The following GALNT10 variants were observed in gnomAD, a reference collection of about 807,000 sequenced individuals.
GALNT10 encodes the protein polypeptide N-acetylgalactosaminyltransferase 10, also known as GalNAc transferase 10.
GALNT10 carries 41 observed loss-of-function variants against 75.0 expected under a neutral mutation model. The ratio of observed to expected loss-of-function variants is 0.55; its 90% CI spans 0.43 to 0.71. The LOEUF (loss-of-function observed/expected upper bound fraction) is 0.71, where lower values mean the gene tolerates loss of function less well. Among genes scored for constraint, GALNT10 ranks in the 30% least tolerant of loss-of-function variants. The pLI is 0.00. For missense variants in GALNT10, 727 were observed against 818.5 expected (o/e 0.89, Z 1.36); for synonymous variants, 302 against 313.0 (o/e 0.96, Z 0.37).
At chr5:154,198,850 T>A (rs1047085210) in intron 1 of GALNT10, among the ~76,000 whole-genome samples, 1 of 152,174 alleles carries the variant, frequency 6.6e-6, no homozygotes, top group East Asian at 1.9e-4. Context: ...ATTTCTAACA[T>A]CCTTCTTCCC....
Position 154,412,968 on chromosome 5 carries a change from T to G in GALNT10, c.1466T>G (p.Val489Gly), listed in dbSNP as rs761229479. The change falls in exon 10 of 12, where the codon GTC becomes GGC. Residue 489 changes from valine to glycine, a missense_variant. By Grantham distance (109) the Val-to-Gly change is moderately radical (BLOSUM62 -3). Transcript: ENST00000297107. The surrounding 1 kb of genome is among the most constrained non-coding windows in gnomAD (Gnocchi z 4.2). ...TCCCCACTAAGGCTAGAGGGCTGCG[T>G]CCGAGGCCGTGGGGAGGCTGCCTGG... The part of the protein sequence containing the change: ...LGSPLRLEGC[V>G]RGRGEAAWNN... 5 of 1,613,238 alleles carry G rather than the reference T, an allele frequency of 3.1e-6. No homozygotes were observed. The highest frequency in any genetic ancestry group is 4.2e-6 in the Non-Finnish European group (5 of 1,179,544).
intron 1 of GALNT10, among the ~76,000 whole-genome samples, chr5:154,291,423 C>G (rs1468870652): frequency 6.6e-6 from 1 of 152,182 alleles, no homozygotes; most frequent in Non-Finnish European, 1.5e-5. Flanking sequence ...CGCCCTAGAC[C>G]TACTGTGCCA....
chr5:154,206,777 C>A (rs1488230711), intron 1 of GALNT10, among the ~76,000 whole-genome samples: 1 of 152,178 alleles, frequency 6.6e-6, no homozygotes. Context: ...GTCACAGGGT[C>A]CCTGATTGCT....
chr5:154,348,641 C>T (rs1161547543), intron 4 of GALNT10, among the ~76,000 whole-genome samples: 1 of 152,148 alleles, frequency 6.6e-6, no homozygotes, highest in African/African-American at 2.4e-5. Context: ...CCAGCCCTAC[C>T]AGTAAATAAA....
intron 1 of GALNT10, among the ~76,000 whole-genome samples, chr5:154,221,634 C>A (rs942277027): frequency 4.6e-5 from 7 of 152,242 alleles, no homozygotes; most frequent in Non-Finnish European, 8.8e-5. Flanking sequence ...GGAAAAAAAA[C>A]CACAGGAATG....
rs758610975 is a variant in GALNT10 at position 154,386,507 on chromosome 5, C to T, written c.1056+77C>T. ...GTCCCAGTAGGTGTCTCAGCTTCTGCCTGAGCTTGGAAAGACTGGAGGCCT... is the reference window on the plus strand; with the variant it reads ...GTCCCAGTAGGTGTCTCAGCTTCTGTCTGAGCTTGGAAAGACTGGAGGCCT... On this transcript the variant is annotated intron_variant, in intron 7 of 11. Coordinates refer to ENST00000297107, the MANE Select transcript of GALNT10 (RefSeq NM_198321.4). 25 of 959,958 alleles carry T rather than the reference C, an allele frequency of 2.6e-5. No homozygotes were observed. In the South Asian group the frequency reaches 3.0e-4, roughly 11 times the overall value. The allele number at this position is 959,958 out of a possible 1,614,324, so 59.5% of individuals were successfully genotyped here. A position where few individuals can be genotyped will look rare whatever the true frequency, so the allele number is the denominator to read the frequency against.
At chr5:154,283,491 A>G (rs1754071786) in intron 1 of GALNT10, among the ~76,000 whole-genome samples, 1 of 152,060 alleles carries the variant, frequency 6.6e-6, no homozygotes, top group Non-Finnish European at 1.5e-5. Context: ...AGAATACCAG[A>G]GTGACAGAGT....
rs186535523 is a variant in GALNT10 at position 154,357,930 on chromosome 5, C to T, written c.569-18347C>T. 5.6e-4 allele frequency among the ~76,000 whole-genome samples: 86 copies of T among 152,236 alleles called. No homozygotes were observed. The South Asian group carries it at 5.8e-3, about 10-fold the overall frequency. ...GGGAAGGGTTTAGGGATGACAACTG[C>T]GTGGAAGAGAGGGCTTTGCAGAGTA... On this transcript the variant is annotated intron_variant, in intron 4 of 11. Coordinates refer to ENST00000297107, the MANE Select transcript of GALNT10 (RefSeq NM_198321.4).
intron 6 of GALNT10, 36 bp from the exon 7 acceptor site, chr5:154,386,277 T>G (rs369551431): frequency 6.8e-7 from 1 of 1,472,000 alleles, no homozygotes; most frequent in East Asian, 2.3e-5. Flanking sequence ...GGCCAGGACA[T>G]CTGCACCTTC....
intron 1 of GALNT10, among the ~76,000 whole-genome samples, chr5:154,256,988 C>T (rs1167627250): frequency 2.0e-5 from 3 of 151,962 alleles, no homozygotes; most frequent in African/African-American, 4.8e-5. Flanking sequence ...GAAACAGGCT[C>T]GGCCAGGCAT....
chr5:154,389,179 G>A (rs1378869484), intron 7 of GALNT10: 1 of 151,772 alleles, frequency 6.6e-6, no homozygotes, highest in Non-Finnish European at 1.5e-5. Flanking sequence ...ACACAGAAAA[G>A]ACACTATGAG....
At chr5:154,234,077 C>T (rs530029847) in intron 1 of GALNT10, among the ~76,000 whole-genome samples, 1 of 152,294 alleles carries the variant, frequency 6.6e-6, no homozygotes, top group African/African-American at 2.4e-5. Context: ...ACCACTGTCT[C>T]TCTTCTCTCT....
intron 1 of GALNT10, among the ~76,000 whole-genome samples, chr5:154,199,178 A>G (rs1278308948): frequency 6.6e-6 from 1 of 152,160 alleles, no homozygotes; most frequent in Admixed American, 6.5e-5. Flanking sequence ...GTGCTTCACA[A>G]TCCCTAGGGA....
chr5:154,249,025 T>C (rs544494546), intron 1 of GALNT10, among the ~76,000 whole-genome samples: 1 of 152,376 alleles, frequency 6.6e-6, no homozygotes, highest in South Asian at 2.1e-4. Flanking sequence ...AGCTTTGCTT[T>C]CCTTTTCTGG....
chr5:154,417,454 C>G lies in GALNT10; in HGVS notation c.*482C>G, dbSNP rs567140385. 6.4e-6 allele frequency: 1 copy of G among 157,124 alleles called. No individual in the cohort carries two copies. The highest frequency in any genetic ancestry group is 1.9e-4 in the South Asian group (1 of 5,262). The allele number at this position is 157,124 out of a possible 1,614,324, so 9.7% of individuals were successfully genotyped here. ...ATCTGCAGCAGAAGAGAAAGAAGTC[C>G]TCTTGGGGCTTTTTAGTTTCTGCCG... On this transcript the variant is annotated 3_prime_UTR_variant, in exon 12 of 12. Coordinates refer to ENST00000297107, the MANE Select transcript of GALNT10 (RefSeq NM_198321.4).
intron 1 of GALNT10, among the ~76,000 whole-genome samples, chr5:154,276,476 TCTC>T (rs34440336): frequency 0.45 from 68,863 of 151,800 alleles, 16,861 homozygotes; most frequent in East Asian, 0.85. Context: ...ACCTGGATAA[TCTC>T]CTTTTTGCCA....
Position 154,417,128 on chromosome 5 carries a change from C to A in GALNT10, c.*156C>A. 1.5e-6 allele frequency: 1 copy of A among 655,564 alleles called. No homozygotes were observed. The allele number at this position is 655,564 out of a possible 1,614,324, so 40.6% of individuals were successfully genotyped here. A position where few individuals can be genotyped will look rare whatever the true frequency, so the allele number is the denominator to read the frequency against. ...CTCTTGATTCAGGGGCTGGGGTCTG[C>A]CTGGTCCTTGAGCCCCTGAGTTGTG... On this transcript the variant is annotated 3_prime_UTR_variant, in exon 12 of 12. Transcript: ENST00000297107.
chr5:154,262,208 C>T (rs944648614), intron 1 of GALNT10, among the ~76,000 whole-genome samples: 7 of 152,088 alleles, frequency 4.6e-5, no homozygotes, highest in African/African-American at 1.7e-4. Context: ...CTTTCTCCCG[C>T]ATTGTAGATT....
chr5:154,224,874 G>A (rs1432382500), intron 1 of GALNT10, among the ~76,000 whole-genome samples: 6 of 146,708 alleles, frequency 4.1e-5, no homozygotes, highest in African/African-American at 7.5e-5. Flanking sequence ...TCCACTTCCC[G>A]GGTTCAAGTG....
Sources: gnomAD v4.1 joint callset for allele counts (sites outside exome capture counted in the v4.1 genomes callset) on GRCh38, gnomAD v4.1.1 for gene constraint, Gnocchi (gnomAD v3.1) non-coding constraint, MANE v1.5 for transcripts, NCBI Gene and HGNC (gene_info 2026-07-23, HGNC 2026-07-21) for gene names.